RFX4: variants seen among roughly 807,000 people sequenced by gnomAD.
RFX4 encodes the protein regulatory factor X4.
Under a neutral mutation model 95.0 loss-of-function variants are expected in RFX4, and 10 were observed. That is an observed-to-expected ratio of 0.11 (90% CI 0.06 to 0.18). RFX4 has a LOEUF of 0.18. Among genes scored for constraint, RFX4 ranks in the 10% least tolerant of loss-of-function variants. RFX4 has a pLI of 1.00. For synonymous variants in RFX4, 321 were observed against 340.7 expected, an observed-to-expected ratio of 0.94 and a Z score of 0.64; for missense variants, 640 against 922.0, an observed-to-expected ratio of 0.69 and a Z score of 3.96.
rs867953455 is a variant in RFX4 at position 106,682,011 on chromosome 12, C to T, written c.334C>T (p.Pro112Ser). The part of the protein sequence containing the change: ...SFGKIIRQQF[P>S]QLTTRRLGTR... ...CTTACAGATCATAAGGCAGCAGTTT[C>T]CTCAGTTAACCACCAGAAGACTCGG... Residue 112 changes from proline (P) to serine (S), a missense_variant, in exon 5 of 18, where the codon CCT (proline) becomes TCT (serine). By Grantham distance (74) the Pro-to-Ser change is moderately conservative. Around this residue, in one of 7 missense-constraint regions of RFX4, gnomAD observed 89 missense variants for 173.8 expected, o/e 0.51. Transcript: ENST00000392842. 1 of 1,614,176 alleles carries T rather than the reference C, an allele frequency of 6.2e-7. No individual in the cohort carries two copies. The highest frequency in any genetic ancestry group is 8.5e-7 in the Non-Finnish European group (1 of 1,180,034).
At chr12:106,646,796 C>A (rs2040756746) in intron 3 of RFX4, among the ~76,000 whole-genome samples, 1 of 152,118 alleles carries the variant, frequency 6.6e-6, no homozygotes, top group African/African-American at 2.4e-5. Context: ...CCAAGGTAGT[C>A]TCTTTCTACA....
intron 4 of RFX4, among the ~76,000 whole-genome samples, chr12:106,656,544 G>A (rs992840802): frequency 2.0e-5 from 3 of 152,112 alleles, no homozygotes; most frequent in East Asian, 3.9e-4. Context: ...AGGGTCCTAC[G>A]GAACAGACAT....
intron 15 of RFX4, among the ~76,000 whole-genome samples, chr12:106,743,412 AG>A (rs771312521): frequency 3.0e-4 from 46 of 152,200 alleles, no homozygotes; most frequent in Admixed American, 2.6e-3. Context: ...CCAGGCAAAA[AG>A]GGTTTCTCAC....
intron 15 of RFX4, among the ~76,000 whole-genome samples, chr12:106,741,379 C>T (rs1268373986): frequency 6.6e-6 from 1 of 152,134 alleles, no homozygotes; most frequent in Non-Finnish European, 1.5e-5. Context: ...ATGAAGATTA[C>T]AGGAAATGCT....
chr12:106,703,456 T>A (rs1375997750), intron 8 of RFX4, among the ~76,000 whole-genome samples: 1 of 152,234 alleles, frequency 6.6e-6, no homozygotes, highest in Admixed American at 6.5e-5. Context: ...TATGTATATG[T>A]CTATATTATA....
rs767385476 is a variant in RFX4 at position 106,720,004 on chromosome 12, G to A, written c.1183G>A (p.Glu395Lys). Reference protein sequence around the residue: ...DHLLEEQSPIESYIEWLDTMV... With the variant: ...DHLLEEQSPIKSYIEWLDTMV... ...TCTCTTGGAGGAGCAGTCTCCCATCGAGTCCTACATTGAGTGGCTGGATAC... is the reference window on the plus strand; with the variant it reads ...TCTCTTGGAGGAGCAGTCTCCCATCAAGTCCTACATTGAGTGGCTGGATAC... Residue 395 changes from glutamate (E) to lysine (K), a missense_variant, in exon 12 of 18, where the codon GAG (glutamate) becomes AAG (lysine). Glu to Lys is a moderately conservative substitution (Grantham distance 56, BLOSUM62 1). Coordinates refer to ENST00000392842, the MANE Select transcript of RFX4 (RefSeq NM_213594.3). This position sits in a 1 kb window ranked among gnomAD's most constrained non-coding sequence, Gnocchi z 4.2. 8 of 1,614,064 alleles carry A rather than the reference G, an allele frequency of 5.0e-6. No homozygotes were observed. Among genetic ancestry groups the A allele is most frequent in the South Asian group, 3.3e-5 (3 of 91,084 alleles).
chr12:106,653,312 A>G (rs1323443677), intron 3 of RFX4, among the ~76,000 whole-genome samples: 1 of 152,244 alleles, frequency 6.6e-6, no homozygotes, highest in Non-Finnish European at 1.5e-5. Context: ...ATAGTGCCCA[A>G]AAATGTTTTC....
intron 1 of RFX4, among the ~76,000 whole-genome samples, chr12:106,588,545 A>G (rs562031008): frequency 6.5e-4 from 99 of 152,320 alleles, no homozygotes; most frequent in Non-Finnish European, 1.0e-3. Context: ...CCTCCTGATG[A>G]CAATCTGGGC....
At chr12:106,746,400 T>C (rs1217126262) in intron 15 of RFX4, among the ~76,000 whole-genome samples, 1 of 149,586 alleles carries the variant, frequency 6.7e-6, no homozygotes, top group Non-Finnish European at 1.5e-5. Context: ...GGCATGGTGG[T>C]ACATACCTGT....
chr12:106,755,378 G>A (rs61943299), intron 17 of RFX4, among the ~76,000 whole-genome samples: 13,866 of 152,244 alleles, frequency 0.091, 771 homozygotes, highest in South Asian at 0.16. Context: ...TTACAGGCGT[G>A]AACCACCACA....
chr12:106,631,694 C>T lies in RFX4; in HGVS notation c.131-7638C>T, dbSNP rs117778445. ...GGTGCCTTCATCTTGAACTTCCAAGCCTCCAAAACTGTGAGAAATCAATTT... is the reference window on the plus strand; with the variant it reads ...GGTGCCTTCATCTTGAACTTCCAAGTCTCCAAAACTGTGAGAAATCAATTT... On this transcript the variant is annotated intron_variant, in intron 2 of 17. Coordinates refer to ENST00000392842, the MANE Select transcript of RFX4 (RefSeq NM_213594.3). 2.9e-3 allele frequency among the ~76,000 whole-genome samples: 444 copies of T among 152,328 alleles called. 2 individuals carry two copies. Among genetic ancestry groups the T allele is most frequent in the Non-Finnish European group, 4.4e-3 (301 of 68,028 alleles).
intron 11 of RFX4, among the ~76,000 whole-genome samples, chr12:106,716,619 C>T (rs1003933828): frequency 6.6e-6 from 1 of 152,134 alleles, no homozygotes; most frequent in Non-Finnish European, 1.5e-5. Flanking sequence ...GGCTTCTTTC[C>T]TGGCTTAGCC....
chr12:106,694,409 A>C (rs2041840330), intron 7 of RFX4, among the ~76,000 whole-genome samples: 1 of 152,182 alleles, frequency 6.6e-6, no homozygotes, highest in Admixed American at 6.5e-5. Context: ...TTTCAGAGCA[A>C]AATTAGGCCC....
rs563055948 is a variant in RFX4 at position 106,720,467 on chromosome 12, G to C, written c.1234-292G>C. Among the ~76,000 whole-genome samples, 8 of 152,090 alleles carry C rather than the reference G, an allele frequency of 5.3e-5. No individual in the cohort carries two copies. The East Asian group carries it at 1.6e-3, about 29-fold the overall frequency. ...TGCGATCACAGCTCACTGCAGCCTTGACCTCCCCAGGCTCATGTGATCCTC... is the reference window on the plus strand; with the variant it reads ...TGCGATCACAGCTCACTGCAGCCTTCACCTCCCCAGGCTCATGTGATCCTC... On this transcript the variant is annotated intron_variant, in intron 12 of 17. Coordinates refer to ENST00000392842, the MANE Select transcript of RFX4 (RefSeq NM_213594.3). This position sits in a 1 kb window ranked among gnomAD's most constrained non-coding sequence, Gnocchi z 4.2.
At chr12:106,739,610 G>T (rs558663013) in intron 15 of RFX4, among the ~76,000 whole-genome samples, 1 of 152,122 alleles carries the variant, frequency 6.6e-6, no homozygotes, top group Admixed American at 6.6e-5. Context: ...CTTATTAATT[G>T]TTTTTTTAAA....
Position 106,654,286 on chromosome 12 carries a change from A to G in RFX4, c.250A>G (p.Met84Val). 6.2e-7 allele frequency: 1 copy of G among 1,614,068 alleles called. No individual in the cohort carries two copies. Among genetic ancestry groups the G allele is most frequent in the Non-Finnish European group, 8.5e-7 (1 of 1,179,962 alleles). ...GVCIPRSALY[M>V]HYLDFCEKND... The stretch of plus-strand genomic sequence containing the variant: ...CTGCATCCCTCGCAGTGCCCTCTAT[A>G]TGCATTACCTGGATTTCTGCGAGAA... Residue 84 changes from methionine (M) to valine (V), a missense_variant, in exon 4 of 18, where the codon ATG becomes GTG. By Grantham distance (21) the Met-to-Val change is conservative. This residue lies in a region of RFX4 where 89 missense variants were observed against 173.8 expected (regional missense o/e 0.51). Coordinates refer to ENST00000392842, the MANE Select transcript of RFX4 (RefSeq NM_213594.3).
At chr12:106,607,488 G>A (rs775142262) in intron 1 of RFX4, among the ~76,000 whole-genome samples, 9 of 150,046 alleles carry the variant, frequency 6.0e-5, no homozygotes, top group Non-Finnish European at 1.2e-4. Flanking sequence ...ATAACACAAC[G>A]TGGACCGAAG....
chr12:106,703,437 T>G (rs2042027698), intron 8 of RFX4, among the ~76,000 whole-genome samples: 1 of 152,216 alleles, frequency 6.6e-6, no homozygotes, highest in South Asian at 2.1e-4. Flanking sequence ...ATTTCAATTT[T>G]TATAATAATA....
chr12:106,653,447 G>A (rs2040893683), intron 3 of RFX4, among the ~76,000 whole-genome samples: 1 of 152,160 alleles, frequency 6.6e-6, no homozygotes, highest in African/African-American at 2.4e-5. Flanking sequence ...ACTTTAGGAG[G>A]CACTTACAAT....
Sources: allele counts gnomAD v4.1 joint callset (sites outside exome capture counted in the v4.1 genomes callset), GRCh38; gene constraint gnomAD v4.1.1; regional missense constraint gnomAD v4.1.1; non-coding constraint Gnocchi (gnomAD v3.1); transcripts MANE v1.5; gene names NCBI Gene and HGNC (gene_info 2026-07-23, HGNC 2026-07-21).